PITPNC1: variants seen among roughly 807,000 people sequenced by gnomAD.
The protein encoded by PITPNC1 is phosphatidylinositol transfer protein cytoplasmic 1.
Under a neutral mutation model 44.7 loss-of-function variants are expected in PITPNC1, and 18 were observed. The ratio of observed to expected loss-of-function variants is 0.40; its 90% CI spans 0.28 to 0.60. PITPNC1 has a LOEUF of 0.60. Among genes scored for constraint, PITPNC1 ranks in the 20% least tolerant of loss-of-function variants. The probability of loss-of-function intolerance (pLI) is 0.39; values close to 1 mark genes in which losing one functional copy is unlikely to be tolerated. For synonymous variants in PITPNC1, 141 were observed against 149.6 expected (o/e 0.94, Z 0.42); for missense variants, 290 against 418.4 (o/e 0.69, Z 2.68).
At chr17:67,652,317 C>G (rs1195465255) in intron 6 of PITPNC1, among the ~76,000 whole-genome samples, 1 of 152,150 alleles carries the variant, frequency 6.6e-6, no homozygotes, top group Non-Finnish European at 1.5e-5. Flanking sequence ...CTGATTCTAT[C>G]CAAAACGAGG....
intron 1 of PITPNC1, among the ~76,000 whole-genome samples, chr17:67,527,576 G>A (rs897535012): frequency 9.9e-5 from 15 of 152,052 alleles, no homozygotes; most frequent in Admixed American, 2.6e-4. Flanking sequence ...GGTGGTGGGC[G>A]CCTGTAACCT....
intron 1 of PITPNC1, among the ~76,000 whole-genome samples, chr17:67,478,971 G>A (rs1033711223): frequency 5.9e-5 from 9 of 151,616 alleles, no homozygotes; most frequent in African/African-American, 1.9e-4. Context: ...TCAGCAGTTG[G>A]TACCAGCACA....
chr17:67,523,604 A>C (rs1433478834), intron 1 of PITPNC1, among the ~76,000 whole-genome samples: 1 of 152,004 alleles, frequency 6.6e-6, no homozygotes, highest in Non-Finnish European at 1.5e-5. Context: ...TAAGGTTACA[A>C]AGCTAGTCAA....
rs553664411 is a variant in PITPNC1 at position 67,480,193 on chromosome 17, G to A, written c.49-52609G>A. On this transcript the variant is annotated intron_variant, in intron 1 of 8. Coordinates refer to ENST00000581322, the MANE Select transcript of PITPNC1 (RefSeq NM_012417.4). ...GCTGACTTGGAGAGCTGGAACCTTA[G>A]TTGGTTTCCAGGTTGTCTAACGATG... Among the ~76,000 whole-genome samples the A allele has an allele frequency of 4.6e-5, 7 of 152,268 alleles. No homozygotes were observed. In the South Asian group the frequency reaches 1.5e-3, roughly 32 times the overall value.
intron 5 of PITPNC1, among the ~76,000 whole-genome samples, chr17:67,579,725 G>A (rs1015931973): frequency 6.7e-6 from 1 of 148,572 alleles, no homozygotes; most frequent in African/African-American, 2.5e-5. Context: ...GATTGTCTGA[G>A]CTCAGGGGTT....
chr17:67,639,602 C>G (rs1430248375), intron 6 of PITPNC1, among the ~76,000 whole-genome samples: 2 of 152,216 alleles, frequency 1.3e-5, no homozygotes, highest in Non-Finnish European at 2.9e-5. Flanking sequence ...AAATGTTTTT[C>G]AGACAGAATT....
chr17:67,439,552 A>G (rs2038983306), intron 1 of PITPNC1, among the ~76,000 whole-genome samples: 1 of 152,214 alleles, frequency 6.6e-6, no homozygotes, highest in Non-Finnish European at 1.5e-5. Flanking sequence ...AGAAAAAGAT[A>G]TGTTCTCCAG....
intron 5 of PITPNC1, among the ~76,000 whole-genome samples, chr17:67,619,399 A>G (rs375826365): frequency 2.0e-5 from 3 of 152,104 alleles, no homozygotes; most frequent in African/African-American, 7.2e-5. Context: ...CACCATGAAT[A>G]CCCACGTTTT....
intron 6 of PITPNC1, among the ~76,000 whole-genome samples, chr17:67,643,856 G>A (rs2042116858): frequency 6.6e-6 from 1 of 152,184 alleles, no homozygotes; most frequent in Non-Finnish European, 1.5e-5. Context: ...CTGCAGATGG[G>A]TTGCAGGAAT....
intron 1 of PITPNC1, among the ~76,000 whole-genome samples, chr17:67,438,065 C>T (rs190254254): frequency 0.011 from 1,570 of 149,182 alleles, 12 homozygotes; most frequent in Middle Eastern, 0.024. Context: ...GAGACTCTGT[C>T]TCAAAAAAAG....
At chr17:67,449,619 G>A (rs1257539275) in intron 1 of PITPNC1, among the ~76,000 whole-genome samples, 7 of 152,194 alleles carry the variant, frequency 4.6e-5, no homozygotes, top group African/African-American at 1.7e-4. Flanking sequence ...GGTTTTGCTT[G>A]TATGAGAACT....
chr17:67,613,821 T>TAAAA (rs2041720653), intron 5 of PITPNC1: 1 of 94,330 alleles, frequency 1.1e-5, no homozygotes. Flanking sequence ...AGACTCCGTC[T>TAAAA]CAAAAAAAAA....
chr17:67,392,415 A>AT (rs901751975), intron 1 of PITPNC1, among the ~76,000 whole-genome samples: 6 of 151,954 alleles, frequency 3.9e-5, no homozygotes, highest in African/African-American at 7.3e-5. Context: ...GACTAAAATA[A>AT]TTTTTTTTAA....
chr17:67,652,768 CAT>C (rs2042223245), intron 6 of PITPNC1, among the ~76,000 whole-genome samples: 1 of 152,204 alleles, frequency 6.6e-6, no homozygotes, highest in South Asian at 2.1e-4. Context: ...TCCGTGACCA[CAT>C]GAGTGAGCTG....
chr17:67,438,173 T>C (rs1206217170), intron 1 of PITPNC1, among the ~76,000 whole-genome samples: 2 of 152,224 alleles, frequency 1.3e-5, no homozygotes, highest in African/African-American at 4.8e-5. Context: ...GCCCTAGCCA[T>C]GAACGTTGTA....
chr17:67,581,751 C>T (rs373620726), intron 5 of PITPNC1, among the ~76,000 whole-genome samples: 6 of 152,138 alleles, frequency 3.9e-5, no homozygotes, highest in South Asian at 2.1e-4. Flanking sequence ...AGGAGCGTTG[C>T]GCCGAGGCAC....
intron 6 of PITPNC1, among the ~76,000 whole-genome samples, chr17:67,639,792 A>G (rs745719345): frequency 2.2e-4 from 34 of 152,178 alleles, no homozygotes; most frequent in Non-Finnish European, 4.0e-4. Context: ...AGCTTTTCCA[A>G]TAACTGTCAA....
chr17:67,385,930 A>G (rs1388962799), intron 1 of PITPNC1, among the ~76,000 whole-genome samples: 1 of 152,228 alleles, frequency 6.6e-6, no homozygotes, highest in Non-Finnish European at 1.5e-5. Flanking sequence ...TACCTGGCGC[A>G]GGAGATAGAT....
chr17:67,609,809 C>G (rs769441668), intron 5 of PITPNC1, among the ~76,000 whole-genome samples: 8 of 151,738 alleles, frequency 5.3e-5, no homozygotes, highest in Non-Finnish European at 1.2e-4. Context: ...AGCCACATCC[C>G]TTGGATCCAG....
Sources: gnomAD v4.1 joint callset for allele counts (sites outside exome capture counted in the v4.1 genomes callset) on GRCh38, gnomAD v4.1.1 for gene constraint, MANE v1.5 for transcripts, NCBI Gene and HGNC (gene_info 2026-07-23, HGNC 2026-07-21) for gene names.